DST: variants seen among roughly 807,000 people sequenced by gnomAD.
The protein encoded by DST is bullous pemphigoid antigen.
DST carries 253 observed loss-of-function variants against 875.2 expected under a neutral mutation model. That is an observed-to-expected ratio of 0.29 (90% confidence interval 0.26 to 0.32). The LOEUF (loss-of-function observed/expected upper bound fraction) is 0.32. Among genes scored for constraint, DST ranks in the 10% least tolerant of loss-of-function variants. DST has a pLI of 1.00. For synonymous variants in DST, 3,124 were observed against 3,197.1 expected (o/e 0.98, Z 0.77); for missense variants, 8,287 against 9,111.6 (o/e 0.91, Z 3.68).
chr6:56,862,965 G>T lies in DST; in HGVS notation c.418-11361C>A, dbSNP rs183860292. On this transcript the variant is annotated intron_variant, in intron 3 of 103. Transcript: ENST00000680361. ...TACAAGGAGAGCTCAAGATGATGAGGTTCTTTTTGATAAGCCTCCTAATTT... is the reference window on the plus strand; with the variant it reads ...TACAAGGAGAGCTCAAGATGATGAGTTTCTTTTTGATAAGCCTCCTAATTT... 2.6e-5 allele frequency: 4 copies of T among 151,740 alleles called. 1 individual carries two copies. Among genetic ancestry groups the T allele is most frequent in the Admixed American group, 2.0e-4 (3 of 15,168 alleles). 9.4% of individuals were successfully genotyped at this position (151,740 alleles called of 1,614,324 possible).
intron 4 of DST, among the ~76,000 whole-genome samples, chr6:56,823,757 G>A (rs191968509): frequency 2.0e-4 from 30 of 152,116 alleles, no homozygotes; most frequent in Non-Finnish European, 1.6e-4. Flanking sequence ...TCATCTGCTT[G>A]GCAGTTTTTA....
chr6:56,588,153 TTAG>T (rs1196149555), intron 49 of DST, among the ~76,000 whole-genome samples: 2 of 152,204 alleles, frequency 1.3e-5, no homozygotes, highest in Non-Finnish European at 2.9e-5. Flanking sequence ...TTAAAATCTC[TTAG>T]TAGTCTCCCT....
intron 45 of DST, 85 bp downstream of exon 45, chr6:56,599,984 T>C (rs1467524503): frequency 1.5e-6 from 2 of 1,317,818 alleles, no homozygotes; most frequent in African/African-American, 3.0e-5. Context: ...ATTACTGGTA[T>C]TTTCAATAAT....
chr6:56,526,269 A>G (rs1373627842), intron 69 of DST, 92 bp downstream of exon 69: 7 of 1,283,936 alleles, frequency 5.5e-6, no homozygotes, highest in Non-Finnish European at 7.5e-6. Flanking sequence ...AAATGAATGG[A>G]AACAGTATTA....
chr6:56,851,638 CAA>C (rs754782172), intron 3 of DST, 34 bp from the exon 4 acceptor site: 10 of 1,602,242 alleles, frequency 6.2e-6, no homozygotes, highest in Non-Finnish European at 8.5e-6. Flanking sequence ...GCATTAACAG[CAA>C]AATACTCACA....
chr6:56,642,661 G>A (rs1397624371), intron 15 of DST, 158 bp from the exon 16 acceptor site: 3 of 1,614,142 alleles, frequency 1.9e-6, no homozygotes, highest in Non-Finnish European at 2.5e-6. Context: ...GCTAATGCAA[G>A]AGTTGATCAG....
At chr6:56,934,747 G>A (rs1412597659) in intron 2 of DST, among the ~76,000 whole-genome samples, 3 of 150,074 alleles carry the variant, frequency 2.0e-5, no homozygotes, top group African/African-American at 4.9e-5. Context: ...ATGCCTCTAG[G>A]CTGACCCTTC....
chr6:56,508,781 G>A lies in DST; in HGVS notation c.19013-26C>T, dbSNP rs192909845. On this transcript the variant is annotated intron_variant, in intron 74 of 103. Transcript: ENST00000680361. ...CTATGAAGCAAAACAATATCCACAA[G>A]GCGACTGGTTAGCCCCACGTAACCA... 6.1e-4 allele frequency: 955 copies of A among 1,573,404 alleles called. 4 individuals are homozygous for A. The highest frequency in any genetic ancestry group is 1.4e-3 in the South Asian group (123 of 87,446).
intron 68 of DST, 24 bp downstream of exon 68, chr6:56,527,469 C>A (rs1195152778): frequency 6.2e-7 from 1 of 1,604,610 alleles, no homozygotes; most frequent in Admixed American, 1.7e-5. Context: ...AAGACTAATC[C>A]AAAATGCAGA....
intron 36 of DST, chr6:56,615,077 C>G (rs576796668): frequency 9.8e-7 from 1 of 1,022,122 alleles, no homozygotes; most frequent in East Asian, 9.1e-5. Context: ...AACACTGCAG[C>G]TTGAAGGCTG....
chr6:56,897,596 G>T (rs1051204013), intron 3 of DST, among the ~76,000 whole-genome samples: 1 of 152,142 alleles, frequency 6.6e-6, no homozygotes, highest in Non-Finnish European at 1.5e-5. Context: ...ATCCCAAGGT[G>T]CTGGGATTAC....
At chr6:56,703,439 C>A (rs962608269) in intron 7 of DST, among the ~76,000 whole-genome samples, 5 of 152,084 alleles carry the variant, frequency 3.3e-5, no homozygotes, top group African/African-American at 1.2e-4. Context: ...ATAAATAATT[C>A]AATCATTTTA....
chr6:56,610,613 T>C, intron 38 of DST, 51 bp from the exon 39 acceptor site: 4 of 1,468,384 alleles, frequency 2.7e-6, no homozygotes, highest in Non-Finnish European at 2.7e-6. Context: ...CCTCAAGAGA[T>C]AAAGATGTAT....
intron 102 of DST, chr6:56,461,429 T>C (rs2094324572): frequency 6.6e-6 from 1 of 152,198 alleles, no homozygotes; most frequent in African/African-American, 2.4e-5. Flanking sequence ...TCTAGCTAAA[T>C]TCCTAACTTA....
At position 56,701,913 on chromosome 6, in the gene DST, G is replaced by A. The variant is rs1226377060; in HGVS notation, c.929C>T (p.Ala310Val). 1 of 1,610,788 alleles carries A rather than the reference G, an allele frequency of 6.2e-7. No homozygotes were observed. Among genetic ancestry groups the A allele is most frequent in the Non-Finnish European group, 8.5e-7 (1 of 1,177,790 alleles). Residue 310 changes from alanine (A) to valine (V), a missense_variant, in exon 8 of 104, where the codon GCA becomes GTA. Transcript: ENST00000680361. ...CTGGCGTCTTTTCAAATAGTCAAGT[G>A]CAATTTGTACATTCTGTAGTCTGTG... is the stretch of plus-strand genomic sequence containing the variant. ...RFHRLQNVQI[A>V]LDYLKRRQVK... is the part of the protein sequence containing the mutation.
chr6:56,684,134 C>T (rs974068027), intron 9 of DST, among the ~76,000 whole-genome samples: 3 of 152,196 alleles, frequency 2.0e-5, no homozygotes, highest in African/African-American at 7.2e-5. Context: ...CACCAGACAA[C>T]TGGGCAACAG....
At chr6:56,701,064 C>G (rs1588861388) in intron 8 of DST, among the ~76,000 whole-genome samples, 1 of 148,794 alleles carries the variant, frequency 6.7e-6, no homozygotes, top group Non-Finnish European at 1.5e-5. Context: ...AACACATCCT[C>G]AATTTCCTGG....
At chr6:56,569,612 C>T (rs1318640755) in intron 54 of DST, among the ~76,000 whole-genome samples, 13 of 152,088 alleles carry the variant, frequency 8.5e-5, no homozygotes, top group Admixed American at 7.9e-4. Context: ...AACTTGATTA[C>T]TAGAATAGTC....
chr6:56,593,608 T>C (rs1267220518), intron 48 of DST, 55 bp downstream of exon 48: 20 of 1,395,976 alleles, frequency 1.4e-5, no homozygotes, highest in Non-Finnish European at 4.7e-6. Flanking sequence ...AAAACTATAA[T>C]TGAAAACTAT....
Sources: allele counts gnomAD v4.1 joint callset (sites outside exome capture counted in the v4.1 genomes callset), GRCh38; gene constraint gnomAD v4.1.1; transcripts MANE v1.5; gene names NCBI Gene and HGNC (gene_info 2026-07-23, HGNC 2026-07-21).